Variants in MYLK observed in about 807,000 individuals in gnomAD.
The protein encoded by MYLK is myosin light chain kinase, smooth muscle.
Under a neutral mutation model 203.4 loss-of-function variants are expected in MYLK, and 106 were observed. That is an observed-to-expected ratio of 0.52 (90% confidence interval 0.45 to 0.61). The LOEUF (loss-of-function observed/expected upper bound fraction) is 0.61. MYLK is among the 20% of genes least tolerant of loss of function. MYLK has a pLI of 0.00. For missense variants in MYLK, 2,072 were observed against 2,442.3 expected (o/e 0.85, Z 3.20); for synonymous variants, 867 against 959.5 (o/e 0.90, Z 1.78).
chr3:123,692,845 A>G lies in MYLK; in HGVS notation c.3455T>C (p.Leu1152Pro). 6.2e-7 allele frequency: 1 copy of G among 1,613,740 alleles called. No individual in the cohort carries two copies. The highest frequency in any genetic ancestry group is 8.5e-7 in the Non-Finnish European group (1 of 1,179,750). ...KFIILSQEGS[L>P]CSVSIEKALP... ...TGCCTTCTCGATGGAGACGGAGCAG[A>G]GTGAGCCTGGGGAGGAAGAATTGTG... Residue 1152 changes from leucine (L) to proline (P), a missense_variant, in exon 19 of 34, where the codon CTC becomes CCC. By Grantham distance (98) the Leu-to-Pro change is moderately conservative. Transcript: ENST00000360304.
intron 2 of MYLK, among the ~76,000 whole-genome samples, chr3:123,833,829 C>G (rs2066407606): frequency 1.3e-5 from 2 of 152,038 alleles, no homozygotes; most frequent in Admixed American, 1.3e-4. Flanking sequence ...AAAAAGGAAA[C>G]AGGAGAGGTC....
chr3:123,869,712 C>T (rs1432799805), intron 2 of MYLK, among the ~76,000 whole-genome samples: 2 of 152,188 alleles, frequency 1.3e-5, no homozygotes, highest in African/African-American at 4.8e-5. Context: ...ACATACCCCT[C>T]ACAACAATTC....
At chr3:123,702,760 G>A (rs552866811) in intron 16 of MYLK, among the ~76,000 whole-genome samples, 9 of 152,344 alleles carry the variant, frequency 5.9e-5, no homozygotes, top group Non-Finnish European at 1.2e-4. Flanking sequence ...AGGCTGAAGT[G>A]GGAGGATTGC....
At chr3:123,829,908 T>G (rs951008463) in intron 3 of MYLK, among the ~76,000 whole-genome samples, 3 of 152,200 alleles carry the variant, frequency 2.0e-5, no homozygotes, top group African/African-American at 7.2e-5. Flanking sequence ...ATGGCCCCAA[T>G]GATGCAAAGA....
At chr3:123,721,174 C>T (rs1238960842) in intron 13 of MYLK, among the ~76,000 whole-genome samples, 1 of 152,218 alleles carries the variant, frequency 6.6e-6, no homozygotes, top group East Asian at 1.9e-4. Flanking sequence ...GAAACTTCCT[C>T]CTGCAGCCTC....
intron 3 of MYLK, among the ~76,000 whole-genome samples, chr3:123,814,649 A>G (rs943776120): frequency 2.6e-5 from 4 of 152,178 alleles, no homozygotes; most frequent in African/African-American, 9.6e-5. Flanking sequence ...AACACTCTTC[A>G]TAAATCTTAT....
chr3:123,855,061 T>C (rs1418949306), intron 2 of MYLK, among the ~76,000 whole-genome samples: 1 of 152,216 alleles, frequency 6.6e-6, no homozygotes, highest in South Asian at 2.1e-4. Context: ...AGTTTCACTA[T>C]GTCTAATTGC....
chr3:123,762,130 T>A (rs576656326), intron 4 of MYLK, among the ~76,000 whole-genome samples: 14 of 152,288 alleles, frequency 9.2e-5, no homozygotes, highest in African/African-American at 3.4e-4. Flanking sequence ...CCCACTCCCA[T>A]TTCCACTTCC....
At chr3:123,637,991 G>T (rs904248324) in intron 29 of MYLK, 80 bp downstream of exon 29, 2 of 1,599,364 alleles carry the variant, frequency 1.3e-6, no homozygotes, top group African/African-American at 2.7e-5. Context: ...GCAGCCTGGG[G>T]ACCCTCCTGT....
intron 24 of MYLK, among the ~76,000 whole-genome samples, chr3:123,653,404 C>T (rs2059283954): frequency 6.6e-6 from 1 of 152,190 alleles, no homozygotes; most frequent in South Asian, 2.1e-4. Context: ...TGCCCTGAGG[C>T]CTAACACTTG....
intron 3 of MYLK, among the ~76,000 whole-genome samples, chr3:123,812,888 C>G (rs1408880270): frequency 6.6e-6 from 1 of 152,218 alleles, no homozygotes; most frequent in South Asian, 2.1e-4. Context: ...CAGGGTCACA[C>G]CAATTCTCCT....
chr3:123,725,736 GAGAACTCAAGGCTC>G (rs927703090), intron 12 of MYLK, among the ~76,000 whole-genome samples, 194 bp downstream of exon 12: 1 of 152,216 alleles, frequency 6.6e-6, no homozygotes, highest in African/African-American at 2.4e-5. Flanking sequence ...CATGTAGATG[GAGAACTCAAGGCTC>G]AGACAGGAGT....
At chr3:123,795,176 T>C (rs2064940359) in intron 3 of MYLK, among the ~76,000 whole-genome samples, 1 of 152,256 alleles carries the variant, frequency 6.6e-6, no homozygotes, top group African/African-American at 2.4e-5. Flanking sequence ...GTTGAAAGCA[T>C]ACTATGTAAA....
At chr3:123,619,989 A>G (rs77965513) in intron 32 of MYLK, among the ~76,000 whole-genome samples, 5,639 of 152,226 alleles carry the variant, frequency 0.037, 348 homozygotes, top group African/African-American at 0.12. Context: ...ACAAATAACA[A>G]CTTTCCCTCC....
chr3:123,826,586 G>C (rs2066128331), intron 3 of MYLK, among the ~76,000 whole-genome samples: 1 of 152,234 alleles, frequency 6.6e-6, no homozygotes, highest in African/African-American at 2.4e-5. Context: ...ACTCCTGACA[G>C]GCACACTAGG....
rs1576272092 is a variant in MYLK at position 123,610,173 on chromosome 3, C to T, written c.*3932G>A. On this transcript the variant is annotated 3_prime_UTR_variant, in exon 34 of 34. Coordinates refer to ENST00000360304, the MANE Select transcript of MYLK (RefSeq NM_053025.4). ...TGAAAAGTGATGTACATGTGACTGT[C>T]GAGCATTTGAAATGTAACTCATACA... 1.3e-5 allele frequency: 2 copies of T among 152,236 alleles called. No individual in the cohort carries two copies. The highest frequency in any genetic ancestry group is 4.2e-4 in the South Asian group (2 of 4,810). 9.4% of individuals were successfully genotyped at this position (152,236 alleles called of 1,614,324 possible).
intron 33 of MYLK, among the ~76,000 whole-genome samples, chr3:123,615,342 T>C (rs1020155728): frequency 4.7e-5 from 7 of 148,556 alleles, no homozygotes; most frequent in Non-Finnish European, 9.0e-5. Context: ...TTCTTTTTCC[T>C]TTTTTTTTTG....
intron 13 of MYLK, among the ~76,000 whole-genome samples, chr3:123,716,656 G>T (rs1239166880): frequency 6.6e-6 from 1 of 152,114 alleles, no homozygotes; most frequent in Admixed American, 6.6e-5. Context: ...CTCCCAGTGC[G>T]GGCCTGGAAG....
Position 123,759,215 on chromosome 3 carries a change from T to C in MYLK, c.166-6677A>G, listed in dbSNP as rs72972305. 4.6e-3 allele frequency among the ~76,000 whole-genome samples: 705 copies of C among 152,290 alleles called. 5 individuals are homozygous for C. Among genetic ancestry groups the C allele is most frequent in the African/African-American group, 0.016 (683 of 41,572 alleles). ...TGCATTGTTTTCATAGCAAAACAGA[T>C]GTCCTTCTGGTTTAACTCCCAGCCC... On this transcript the variant is annotated intron_variant, in intron 4 of 33. Transcript: ENST00000360304.
Sources: allele counts gnomAD v4.1 joint callset (sites outside exome capture counted in the v4.1 genomes callset), GRCh38; gene constraint gnomAD v4.1.1; transcripts MANE v1.5; gene names NCBI Gene and HGNC (gene_info 2026-07-23, HGNC 2026-07-21).